The following VPS13C variants were observed in gnomAD, a reference collection of about 807,000 sequenced individuals.
VPS13C encodes the protein vacuolar protein sorting 13 homolog C.
Under a neutral mutation model 456.8 loss-of-function variants are expected in VPS13C, and 358 were observed. The observed-to-expected ratio is 0.78, with a 90% CI of 0.72 to 0.86. The LOEUF is 0.86. Among genes scored for constraint, VPS13C ranks in the 40% least tolerant of loss-of-function variants. The pLI is 0.00. For synonymous variants in VPS13C, 1,578 were observed against 1,486.7 expected (o/e 1.06, Z -1.41); for missense variants, 4,818 against 4,385.4 (o/e 1.10, Z -2.79).
In VPS13C at chr15:61,969,267, T is replaced by C. The variant is rs772025290; in HGVS notation, c.2911+32A>G. The C allele has an allele frequency of 2.7e-6, 4 of 1,477,980 alleles. No homozygotes were observed. The African/African-American group carries it at 4.3e-5, about 16-fold the overall frequency. 91.6% of individuals were successfully genotyped at this position (1,477,980 alleles called of 1,614,324 possible). On this transcript the variant is annotated intron_variant, in intron 28 of 84. Coordinates refer to ENST00000644861, the MANE Select transcript of VPS13C (RefSeq NM_020821.3). The stretch of plus-strand genomic sequence containing the variant: ...ATACTCAAAAGTCCTATCTTTATTA[T>C]AGGCTATTATTTCTATTTTTATGGG...
At chr15:61,904,239 T>C (rs1416125452) in intron 66 of VPS13C, among the ~76,000 whole-genome samples, 1 of 151,212 alleles carries the variant, frequency 6.6e-6, no homozygotes, top group Non-Finnish European at 1.5e-5. Flanking sequence ...TAATAAGAGA[T>C]TAATAACCAG....
rs150013617 is a variant in VPS13C, at chr15:62,023,842, C to T, written c.452G>A (p.Arg151His). Reference sequence around the variant, plus strand: ...ATGTTTTTTGTGCTTTTTACGTTTACGTCCTTCACAGTGGAAGCATTTTAG... The same window carrying T: ...ATGTTTTTTGTGCTTTTTACGTTTATGTCCTTCACAGTGGAAGCATTTTAG... ...NFVYKDIKPG[R>H]KRKKHKKHFK... is the part of the protein sequence containing the mutation. Residue 151 changes from arginine to histidine, a missense_variant, in exon 7 of 85, where the codon CGT becomes CAT. Around this residue, in one of 3 missense-constraint regions of VPS13C, gnomAD observed 4,552 missense variants for 4,130.6 expected, o/e 1.10. Transcript: ENST00000644861. 10 of 1,609,540 alleles carry T rather than the reference C, an allele frequency of 6.2e-6. No individual in the cohort carries two copies. Among genetic ancestry groups the T allele is most frequent in the South Asian group, 3.3e-5 (3 of 90,676 alleles).
intron 11 of VPS13C, among the ~76,000 whole-genome samples, 171 bp from the exon 12 acceptor site, chr15:62,012,335 T>C (rs28467472): frequency 7.5e-4 from 114 of 151,990 alleles, no homozygotes; most frequent in African/African-American, 2.5e-3. Flanking sequence ...GCATTATTTA[T>C]AAGTATAAAG....
At chr15:61,881,717 A>G in intron 70 of VPS13C, 30 bp downstream of exon 70, 1 of 1,604,260 alleles carries the variant, frequency 6.2e-7, no homozygotes, top group Non-Finnish European at 8.5e-7. Flanking sequence ...TAAATAAGGT[A>G]TATCTATGTC....
chr15:62,018,199 G>C (rs1351951567), intron 9 of VPS13C, among the ~76,000 whole-genome samples: 3 of 152,040 alleles, frequency 2.0e-5, no homozygotes, highest in Admixed American at 1.3e-4. Flanking sequence ...GAGACGATGG[G>C]GTTTTCTAGA....
chr15:61,866,910 T>A, intron 81 of VPS13C: 1 of 984,282 alleles, frequency 1.0e-6, no homozygotes, highest in Non-Finnish European at 1.2e-6. Context: ...AGTTTATACT[T>A]TGGCTTCATT....
intron 1 of VPS13C, among the ~76,000 whole-genome samples, chr15:62,056,587 G>A (rs995031701): frequency 2.0e-5 from 3 of 152,100 alleles, no homozygotes; most frequent in Non-Finnish European, 4.4e-5. Context: ...CCCTTTCCCC[G>A]GGGGAGTTTA....
chr15:62,022,930 C>G (rs1395467241), intron 8 of VPS13C, among the ~76,000 whole-genome samples: 2 of 151,882 alleles, frequency 1.3e-5, no homozygotes, highest in African/African-American at 4.8e-5. Context: ...TTCTGTGCAA[C>G]TACTGTTGCA....
intron 3 of VPS13C, among the ~76,000 whole-genome samples, chr15:62,040,572 G>T (rs964759521): frequency 6.6e-6 from 1 of 151,992 alleles, no homozygotes; most frequent in Non-Finnish European, 1.5e-5. Context: ...TTGAAGGAGG[G>T]GGGTGGAGGT....
At chr15:61,984,041 T>G in intron 19 of VPS13C, 29 bp from the exon 20 acceptor site, 1 of 1,590,910 alleles carries the variant, frequency 6.3e-7, no homozygotes, top group South Asian at 1.1e-5. Context: ...CAAGGAAAGA[T>G]GCAGACAAGG....
rs17238189 is a variant in VPS13C, at chr15:61,920,582, T to C, written c.7128A>G (p.Gln2376=). ...LPGDDFIPEP[Q]MAIHISSGNT... ...TTCCTGAAGAAATATGAATTGCCAT[T>C]TGTGGCTCAGGAATAAAATCATCTC... The change falls in exon 56 of 85, where the codon CAA becomes CAG. Residue 2376 remains glutamine (Q), a synonymous_variant. Coordinates refer to ENST00000644861, the MANE Select transcript of VPS13C (RefSeq NM_020821.3). The C allele has an allele frequency of 0.041, 65,907 of 1,592,204 alleles. 3,277 individuals carry two copies. Among genetic ancestry groups the C allele is most frequent in the East Asian group, 0.21 (9,327 of 43,926 alleles).
rs2043451915 is a variant in VPS13C at position 61,915,769 on chromosome 15, C to T, written c.8309G>A (p.Ser2770Asn). 1 of 1,614,092 alleles carries T rather than the reference C, an allele frequency of 6.2e-7. No individual in the cohort carries two copies. Among genetic ancestry groups the T allele is most frequent in the Admixed American group, 1.7e-5 (1 of 60,002 alleles). The part of the protein sequence containing the change: ...IGSRMVLSVF[S>N]PYWLINKTTR... The stretch of plus-strand genomic sequence containing the variant: ...AGTCTTGTTGATTAACCAATAGGGA[C>T]TAAAGACAGACAGCACCATCCGGCT... Residue 2770 changes from serine to asparagine, a missense_variant, in exon 61 of 85, where the codon AGT (serine) becomes AAT (asparagine). Ser to Asn is a conservative substitution (Grantham distance 46). Transcript: ENST00000644861.
At chr15:62,048,077 T>G (rs980843382) in intron 1 of VPS13C, among the ~76,000 whole-genome samples, 1 of 151,586 alleles carries the variant, frequency 6.6e-6, no homozygotes, top group Non-Finnish European at 1.5e-5. Context: ...TGGTTTTTTT[T>G]TTTTTCATTT....
At chr15:61,860,956 T>TC (rs1178002350) in intron 82 of VPS13C, among the ~76,000 whole-genome samples, 61 of 132,778 alleles carry the variant, frequency 4.6e-4, no homozygotes, top group Non-Finnish European at 7.1e-4. Context: ...TTTCTTTCTT[T>TC]TTTTTTTTTT....
intron 46 of VPS13C, among the ~76,000 whole-genome samples, chr15:61,941,489 T>C (rs1421795907): frequency 6.6e-6 from 1 of 152,148 alleles, no homozygotes; most frequent in Non-Finnish European, 1.5e-5. Flanking sequence ...ATAAAAAATT[T>C]AAACTAAGTA....
intron 65 of VPS13C, among the ~76,000 whole-genome samples, chr15:61,908,312 A>G (rs1370243508): frequency 6.6e-6 from 1 of 151,974 alleles, no homozygotes; most frequent in Non-Finnish European, 1.5e-5. Context: ...ATATATACAT[A>G]CATTTATATG....
In VPS13C at chr15:62,021,715, T is replaced by C. The variant is rs1447890578; in HGVS notation, c.625-1177A>G. 2.0e-5 allele frequency among the ~76,000 whole-genome samples: 3 copies of C among 151,898 alleles called. No individual in the cohort carries two copies. The East Asian group carries it at 5.8e-4, about 29-fold the overall frequency. ...TGAGAAGTACGAATAGCTTTATAAG[T>C]CATTTTAATTAACATCAGATATACA... On this transcript the variant is annotated intron_variant, in intron 8 of 84. Transcript: ENST00000644861.
Position 61,929,880 on chromosome 15 carries a change from T to C in VPS13C, c.6039-132A>G, listed in dbSNP as rs2043997658. ...ATCTGTATAGAAAACAGGTCAACAT[T>C]AACTAGAATCTAATTTATCCATTAG... On this transcript the variant is annotated intron_variant, in intron 50 of 84. Coordinates refer to ENST00000644861, the MANE Select transcript of VPS13C (RefSeq NM_020821.3). The C allele has an allele frequency of 6.8e-6, 6 of 881,906 alleles. No homozygotes were observed. In the South Asian group the frequency reaches 1.0e-4, roughly 15 times the overall value. 54.6% of individuals were successfully genotyped at this position (881,906 alleles called of 1,614,324 possible). A position where few individuals can be genotyped will look rare whatever the true frequency, so the allele number is the denominator to read the frequency against.
At position 61,981,417 on chromosome 15, in the gene VPS13C, A is replaced by G; in HGVS notation, c.2091T>C (p.Ser697=). 6.2e-7 allele frequency: 1 copy of G among 1,613,056 alleles called. No individual in the cohort carries two copies. The highest frequency in any genetic ancestry group is 2.2e-5 in the East Asian group (1 of 44,802). Residue 697 remains serine, a synonymous_variant, in exon 22 of 85, where the codon TCT becomes TCC. Coordinates refer to ENST00000644861, the MANE Select transcript of VPS13C (RefSeq NM_020821.3). ...VLDLRINLKP[S]YLVVPQTGFH... Reference sequence around the variant, plus strand: ...AACCCGTCTGTGGAACTACTAGATAAGAAGGCTTCAGATTTATCCTTAAAT... The same window carrying G: ...AACCCGTCTGTGGAACTACTAGATAGGAAGGCTTCAGATTTATCCTTAAAT...
Sources: allele counts gnomAD v4.1 joint callset (sites outside exome capture counted in the v4.1 genomes callset), GRCh38; gene constraint gnomAD v4.1.1; regional missense constraint gnomAD v4.1.1; transcripts MANE v1.5; gene names NCBI Gene and HGNC (gene_info 2026-07-23, HGNC 2026-07-21).